Variants in FMN1 observed in about 807,000 individuals in gnomAD.
FMN1 encodes formin 1, also known as formin-1.
Under a neutral mutation model 132.4 loss-of-function variants are expected in FMN1, and 110 were observed. The observed-to-expected ratio is 0.83, with a 90% CI of 0.71 to 0.97. The LOEUF (loss-of-function observed/expected upper bound fraction) is 0.97, where lower values mean the gene tolerates loss of function less well. Ranked by LOEUF, FMN1 falls within the 50% of genes least tolerant of loss-of-function variation. The probability of loss-of-function intolerance (pLI) is 0.00; values close to 1 mark genes in which losing one functional copy is unlikely to be tolerated. For synonymous variants in FMN1, 722 were observed against 651.7 expected, an observed-to-expected ratio of 1.11 and a Z score of -1.64; for missense variants, 1,792 against 1,705.3, an observed-to-expected ratio of 1.05 and a Z score of -0.90.
chr15:33,075,062 T>A (rs950023740), intron 5 of FMN1, among the ~76,000 whole-genome samples: 7 of 138,954 alleles, frequency 5.0e-5, no homozygotes, highest in Non-Finnish European at 7.6e-5. Flanking sequence ...AGACCTTGAG[T>A]CCTGGGCTCA....
intron 15 of FMN1, among the ~76,000 whole-genome samples, chr15:32,891,303 A>G (rs1348684518): frequency 6.6e-6 from 1 of 152,168 alleles, no homozygotes; most frequent in Non-Finnish European, 1.5e-5. Context: ...GCTGGAGTGC[A>G]GTGATGCGAT....
rs1176423937 is a variant in FMN1 at position 32,777,479 on chromosome 15, A to G, written c.4131-560T>C. On this transcript the variant is annotated intron_variant, in intron 19 of 20. Coordinates refer to ENST00000616417, the MANE Select transcript of FMN1 (RefSeq NM_001277313.2). ...ATTTATATATTACGTATATTTATAT[A>G]TTATATTTATATATTACGTATAACA... Among the ~76,000 whole-genome samples the G allele has an allele frequency of 2.6e-5, 3 of 116,598 alleles. 1 individual carries two copies. Among genetic ancestry groups the G allele is most frequent in the South Asian group, 4.9e-4 (2 of 4,082 alleles). The allele number at this position is 116,598 out of a possible 152,430, so 76.5% of individuals were successfully genotyped here. A position where few individuals can be genotyped will look rare whatever the true frequency, so the allele number is the denominator to read the frequency against.
chr15:33,011,229 TAG>T (rs1256896576), intron 6 of FMN1, among the ~76,000 whole-genome samples: 1 of 152,124 alleles, frequency 6.6e-6, no homozygotes. Context: ...TAAGATAGAA[TAG>T]ACAGTCCAGA....
At chr15:33,127,945 G>C (rs1454987) in intron 4 of FMN1, among the ~76,000 whole-genome samples, 4 of 151,854 alleles carry the variant, frequency 2.6e-5, no homozygotes, top group African/African-American at 9.7e-5. Flanking sequence ...GGCAGCAACA[G>C]GACAGGAGAA....
At chr15:32,897,503 C>T (rs2060188442) in intron 15 of FMN1, among the ~76,000 whole-genome samples, 1 of 152,056 alleles carries the variant, frequency 6.6e-6, no homozygotes, top group Non-Finnish European at 1.5e-5. Flanking sequence ...TGAGGGAGAA[C>T]ATCAGAAGTA....
chr15:32,939,723 ATC>A (rs1451730204), intron 9 of FMN1, among the ~76,000 whole-genome samples: 1 of 152,170 alleles, frequency 6.6e-6, no homozygotes, highest in Non-Finnish European at 1.5e-5. Flanking sequence ...ATCCATTGAC[ATC>A]TCTTATACTG....
chr15:32,863,567 G>T (rs79924241), intron 16 of FMN1, among the ~76,000 whole-genome samples: 1 of 152,180 alleles, frequency 6.6e-6, no homozygotes, highest in Admixed American at 6.5e-5. Flanking sequence ...TAAATTCTCT[G>T]CCCTCAGACA....
intron 3 of FMN1, among the ~76,000 whole-genome samples, chr15:33,169,425 A>G (rs1965229698): frequency 1.3e-5 from 2 of 152,204 alleles, no homozygotes; most frequent in Admixed American, 1.3e-4. Context: ...TAAAACTTCA[A>G]ATTTGATTGA....
intron 17 of FMN1, among the ~76,000 whole-genome samples, chr15:32,831,137 G>A (rs1254276330): frequency 1.3e-5 from 2 of 151,974 alleles, no homozygotes; most frequent in South Asian, 4.2e-4. Context: ...TTTCCTCAAG[G>A]GTTTTTTTAT....
chr15:32,955,353 T>C (rs1225399970), intron 9 of FMN1, among the ~76,000 whole-genome samples: 1 of 152,248 alleles, frequency 6.6e-6, no homozygotes, highest in Admixed American at 6.5e-5. Context: ...GTGTGTATTT[T>C]GCAAAGCACT....
intron 4 of FMN1, among the ~76,000 whole-genome samples, chr15:33,114,713 A>T (rs986866122): frequency 4.6e-5 from 7 of 152,138 alleles, no homozygotes; most frequent in African/African-American, 1.4e-4. Flanking sequence ...CCTAAACTAT[A>T]AACTCCATAT....
At chr15:33,093,388 C>T (rs1246739182) in intron 4 of FMN1, among the ~76,000 whole-genome samples, 1 of 152,122 alleles carries the variant, frequency 6.6e-6, no homozygotes, top group Non-Finnish European at 1.5e-5. Flanking sequence ...AGAAAGACAG[C>T]AATCTAGATG....
chr15:32,902,147 A>C, intron 12 of FMN1, 107 bp from the exon 13 acceptor site: 175 of 922,742 alleles, frequency 1.9e-4, no homozygotes, highest in Middle Eastern at 3.0e-4. Flanking sequence ...TAACAATCTC[A>C]ACAATTATAA....
chr15:32,814,647 T>C (rs763177744), intron 17 of FMN1, among the ~76,000 whole-genome samples: 2 of 152,188 alleles, frequency 1.3e-5, no homozygotes, highest in Non-Finnish European at 2.9e-5. Flanking sequence ...TGGATAACCA[T>C]TTGGTGATAA....
intron 4 of FMN1, among the ~76,000 whole-genome samples, chr15:33,127,877 G>A (rs971709447): frequency 5.9e-5 from 9 of 152,178 alleles, no homozygotes; most frequent in African/African-American, 1.2e-4. Flanking sequence ...TGTTTCCGAG[G>A]AATCTTATGC....
chr15:32,908,603 C>CAAAAAAAAAAAAAA, intron 11 of FMN1, 25 bp from the exon 12 acceptor site: 2 of 600,922 alleles, frequency 3.3e-6, no homozygotes, highest in East Asian at 3.5e-5. Context: ...AAAACAAAAC[C>CAAAAAAAAAAAAAA]AAAAAAAAAA....
At chr15:32,948,381 C>T (rs879454676) in intron 9 of FMN1, among the ~76,000 whole-genome samples, 18 of 151,840 alleles carry the variant, frequency 1.2e-4, no homozygotes, top group Non-Finnish European at 2.5e-4. Flanking sequence ...CCTGTAGTTT[C>T]TTTTACTTCT....
chr15:33,170,087 G>C (rs1177048123), intron 3 of FMN1, among the ~76,000 whole-genome samples: 1 of 151,982 alleles, frequency 6.6e-6, no homozygotes, highest in East Asian at 1.9e-4. Flanking sequence ...CAATAGAACT[G>C]AATGGAGAAC....
chr15:32,954,107 C>G (rs547663531), intron 9 of FMN1, among the ~76,000 whole-genome samples: 1 of 152,172 alleles, frequency 6.6e-6, no homozygotes, highest in Non-Finnish European at 1.5e-5. Flanking sequence ...ACCTTCAAGA[C>G]GAGATCTCTG....
Sources: gnomAD v4.1 joint callset for allele counts (sites outside exome capture counted in the v4.1 genomes callset) on GRCh38, gnomAD v4.1.1 for gene constraint, MANE v1.5 for transcripts, NCBI Gene and HGNC (gene_info 2026-07-23, HGNC 2026-07-21) for gene names.